GRIP1: variants seen among roughly 807,000 people sequenced by gnomAD.
GRIP1 encodes the protein glutamate receptor-interacting protein 1.
A neutral mutation model predicts 129.9 loss-of-function variants in GRIP1; 45 were observed. That is an observed-to-expected ratio of 0.35 (90% CI 0.27 to 0.44). GRIP1 has a LOEUF of 0.44. Ranked by LOEUF, GRIP1 falls within the 20% of genes least tolerant of loss-of-function variation. The pLI, the probability that GRIP1 is intolerant of heterozygous loss-of-function variation, is 1.00. For synonymous variants in GRIP1, 530 were observed against 520.8 expected (o/e 1.02, Z -0.24); for missense variants, 1,196 against 1,396.8 (o/e 0.86, Z 2.29).
intron 4 of GRIP1, among the ~76,000 whole-genome samples, chr12:66,530,293 T>G (rs1391593299): frequency 6.6e-6 from 1 of 152,242 alleles, no homozygotes; most frequent in Non-Finnish European, 1.5e-5. Flanking sequence ...TTGTAACACT[T>G]GTACAATAAC....
intron 1 of GRIP1, among the ~76,000 whole-genome samples, chr12:66,975,197 A>T (rs1438777450): frequency 6.6e-6 from 1 of 152,166 alleles, no homozygotes; most frequent in African/African-American, 2.4e-5. Flanking sequence ...GTCACATCAC[A>T]ATGAAAACAC....
intron 1 of GRIP1, among the ~76,000 whole-genome samples, chr12:66,939,277 T>C (rs1460208864): frequency 6.6e-5 from 10 of 151,830 alleles, no homozygotes; most frequent in African/African-American, 2.2e-4. Context: ...AGACCAGGAG[T>C]TCAGGGCTGC....
chr12:66,871,063 A>G (rs1310365498), intron 1 of GRIP1, among the ~76,000 whole-genome samples: 1 of 152,092 alleles, frequency 6.6e-6, no homozygotes. Context: ...TAAAAGTGTT[A>G]ATAATGAAAA....
At chr12:66,717,629 T>G (rs1190694607) in intron 1 of GRIP1, among the ~76,000 whole-genome samples, 5 of 152,124 alleles carry the variant, frequency 3.3e-5, no homozygotes, top group Admixed American at 6.6e-5. Flanking sequence ...GAATTAAAAA[T>G]GTAATCTTCA....
intron 1 of GRIP1, among the ~76,000 whole-genome samples, chr12:66,639,493 G>A (rs1374654996): frequency 6.6e-6 from 1 of 152,160 alleles, no homozygotes; most frequent in African/African-American, 2.4e-5. Flanking sequence ...ACAGCAAAGT[G>A]GGAGGAGCAG....
chr12:66,893,467 T>C (rs531084510), intron 1 of GRIP1, among the ~76,000 whole-genome samples: 142 of 152,198 alleles, frequency 9.3e-4, no homozygotes, highest in African/African-American at 2.7e-3. Flanking sequence ...AGAACTCCTA[T>C]GCTCAAGCAA....
chr12:66,622,765 A>G (rs1024018087), intron 1 of GRIP1, among the ~76,000 whole-genome samples: 2 of 151,746 alleles, frequency 1.3e-5, no homozygotes, highest in Non-Finnish European at 1.5e-5. Flanking sequence ...AATACTCTTC[A>G]TTTTCCCTAT....
intron 19 of GRIP1, among the ~76,000 whole-genome samples, chr12:66,385,914 T>C (rs1474962218): frequency 1.3e-5 from 2 of 152,200 alleles, no homozygotes; most frequent in Non-Finnish European, 2.9e-5. Context: ...TGGCCTCCTT[T>C]GGTTTAGAAT....
In GRIP1 at chr12:66,918,304, T is replaced by C. The variant is rs75592610; in HGVS notation, c.58+150746A>G. Among the ~76,000 whole-genome samples the C allele has an allele frequency of 3.2e-3, 479 of 151,728 alleles. 1 individual carries two copies. The highest frequency in any genetic ancestry group is 0.011 in the African/African-American group (457 of 41,388). ...CAGTTAGGCAAGAGGTATTCTTTTATTTCAGAAGAGTCAACCTTTTTATTC... is the reference window on the plus strand; with the variant it reads ...CAGTTAGGCAAGAGGTATTCTTTTACTTCAGAAGAGTCAACCTTTTTATTC... On this transcript the variant is annotated intron_variant, in intron 1 of 1. Transcript: ENST00000643019.
chr12:66,630,056 TA>T (rs56306769), intron 1 of GRIP1, among the ~76,000 whole-genome samples: 90,593 of 151,744 alleles, frequency 0.6, 27,579 homozygotes, highest in Non-Finnish European at 0.64. Flanking sequence ...GAAGAGAATA[TA>T]AAAAAATTCA....
chr12:66,520,004 G>T (rs143931523), intron 5 of GRIP1, among the ~76,000 whole-genome samples: 3 of 152,280 alleles, frequency 2.0e-5, no homozygotes, highest in East Asian at 3.9e-4. Flanking sequence ...AGCTTCTATT[G>T]TTTAGGGAAT....
chr12:66,745,479 A>G (rs537392033), intron 1 of GRIP1, among the ~76,000 whole-genome samples: 9 of 152,314 alleles, frequency 5.9e-5, no homozygotes, highest in African/African-American at 1.9e-4. Context: ...AGTTCTAAAC[A>G]CAAAGATAAG....
chr12:66,541,340 G>C (rs903087), intron 3 of GRIP1, among the ~76,000 whole-genome samples: 104,211 of 152,118 alleles, frequency 0.69, 36,118 homozygotes, highest in African/African-American at 0.8. Context: ...GAAAAGGAGA[G>C]AGGATGTGAG....
chr12:66,688,474 CCA>C (rs1278461252), intron 1 of GRIP1, among the ~76,000 whole-genome samples: 1 of 151,976 alleles, frequency 6.6e-6, no homozygotes, highest in Admixed American at 6.6e-5. Flanking sequence ...TTAGGAGGCT[CCA>C]GAGTCCATTC....
At chr12:66,584,339 A>G (rs2063527857) in intron 2 of GRIP1, among the ~76,000 whole-genome samples, 1 of 152,018 alleles carries the variant, frequency 6.6e-6, no homozygotes, top group African/African-American at 2.4e-5. Context: ...GCGCACCAGC[A>G]TGGCACATGT....
At chr12:66,724,793 G>T (rs1009042605) in intron 1 of GRIP1, among the ~76,000 whole-genome samples, 6 of 152,130 alleles carry the variant, frequency 3.9e-5, no homozygotes, top group African/African-American at 1.4e-4. Context: ...GAGAACCTTT[G>T]TCTGCAGAAG....
At chr12:66,962,275 CA>C (rs2041932165) in intron 1 of GRIP1, among the ~76,000 whole-genome samples, 1 of 152,182 alleles carries the variant, frequency 6.6e-6, no homozygotes, top group South Asian at 2.1e-4. Flanking sequence ...AACCTACTAA[CA>C]GGATTAATAT....
At chr12:66,913,000 GCA>G (rs1227279450) in intron 1 of GRIP1, among the ~76,000 whole-genome samples, 18 of 152,202 alleles carry the variant, frequency 1.2e-4, no homozygotes, top group Non-Finnish European at 2.1e-4. Context: ...ACATGAATGT[GCA>G]AAATTAACAC....
rs552592137 is a variant in GRIP1 at position 66,890,681 on chromosome 12, T to C, written c.58+178369A>G. Among the ~76,000 whole-genome samples the C allele has an allele frequency of 1.3e-5, 2 of 152,338 alleles. 1 individual carries two copies. Among genetic ancestry groups the C allele is most frequent in the South Asian group, 4.1e-4 (2 of 4,826 alleles). ...GAAAAAAGAATAGATAAAATTTTAA[T>C]AAATGTAAATAATCATAACTGGAAC... On this transcript the variant is annotated intron_variant, in intron 1 of 1. Coordinates refer to the GRIP1 transcript ENST00000643019.
Sources: allele counts gnomAD v4.1 joint callset (sites outside exome capture counted in the v4.1 genomes callset), GRCh38; gene constraint gnomAD v4.1.1; transcripts MANE v1.5; gene names NCBI Gene and HGNC (gene_info 2026-07-23, HGNC 2026-07-21).